NCBP3: variants seen among roughly 807,000 people sequenced by gnomAD.
NCBP3 encodes nuclear cap binding subunit 3, also known as nuclear cap-binding protein subunit 3.
In NCBP3, 20 loss-of-function variants were observed where a neutral mutation model predicts 75.7. The observed-to-expected ratio is 0.26, with a 90% CI of 0.19 to 0.38. The LOEUF (loss-of-function observed/expected upper bound fraction) is 0.38. NCBP3 is among the 10% of genes least tolerant of loss of function. The pLI is 1.00. For synonymous variants in NCBP3, 293 were observed against 290.5 expected (o/e 1.01, Z -0.09); for missense variants, 678 against 796.9 (o/e 0.85, Z 1.80).
In NCBP3 at chr17:3,812,780, C is replaced by T. The variant is rs1025821467; in HGVS notation, c.*264G>A. 1 of 1,292,298 alleles carries T rather than the reference C, an allele frequency of 7.7e-7. No individual in the cohort carries two copies. Among genetic ancestry groups the T allele is most frequent in the African/African-American group, 1.5e-5 (1 of 66,784 alleles). The allele number at this position is 1,292,298 out of a possible 1,614,324, so 80.1% of individuals were successfully genotyped here. A position where few individuals can be genotyped will look rare whatever the true frequency, so the allele number is the denominator to read the frequency against. Reference sequence around the variant, plus strand: ...AAAAATGTCTACAAAATCTGGAGGGCTGCCTTTTTCTCAAAGGGTAAAGCC... The same window carrying T: ...AAAAATGTCTACAAAATCTGGAGGGTTGCCTTTTTCTCAAAGGGTAAAGCC... On this transcript the variant is annotated 3_prime_UTR_variant, in exon 13 of 13. Transcript: ENST00000389005.
At chr17:3,815,485 T>C (rs2053513269) in intron 11 of NCBP3, among the ~76,000 whole-genome samples, 1 of 152,212 alleles carries the variant, frequency 6.6e-6, no homozygotes, top group South Asian at 2.1e-4. Context: ...AGAAATTATC[T>C]AGTTCAAACT....
In NCBP3 at chr17:3,813,008, C is replaced by T; in HGVS notation, c.*36G>A. On this transcript the variant is annotated 3_prime_UTR_variant, in exon 13 of 13. Transcript: ENST00000389005. ...CGCGCCCCACCCTGTGCAAGAATGT[C>T]AGGCTTTAGGGCAGCTGCCATAGGC... is the stretch of plus-strand genomic sequence containing the variant. 1 of 1,612,410 alleles carries T rather than the reference C, an allele frequency of 6.2e-7. No individual in the cohort carries two copies. Among genetic ancestry groups the T allele is most frequent in the South Asian group, 1.1e-5 (1 of 90,802 alleles).
At chr17:3,843,172 G>C (rs1190463932) in intron 1 of NCBP3, 21 bp from the exon 2 acceptor site, 1 of 1,546,738 alleles carries the variant, frequency 6.5e-7, no homozygotes, top group South Asian at 1.2e-5. Context: ...GGGGAAGGGT[G>C]AGAAATTCAG....
chr17:3,843,391 C>T (rs1040629685), intron 1 of NCBP3, among the ~76,000 whole-genome samples: 3 of 152,048 alleles, frequency 2.0e-5, no homozygotes, highest in Admixed American at 1.3e-4. Flanking sequence ...TGCCACCATG[C>T]CCAGCTAATT....
At chr17:3,830,934 G>A (rs547865485) in intron 3 of NCBP3, among the ~76,000 whole-genome samples, 34 of 140,346 alleles carry the variant, frequency 2.4e-4, no homozygotes, top group Non-Finnish European at 4.4e-4. Context: ...TTTTTGAGAT[G>A]GAGTTTCACT....
rs1292048264 is a variant in NCBP3, at chr17:3,808,104, G to A, written c.*4940C>T. 6.6e-6 allele frequency: 1 copy of A among 152,206 alleles called. No individual in the cohort carries two copies. The highest frequency in any genetic ancestry group is 2.4e-5 in the African/African-American group (1 of 41,446). 9.4% of individuals were successfully genotyped at this position (152,206 alleles called of 1,614,324 possible). On this transcript the variant is annotated 3_prime_UTR_variant, in exon 13 of 13. Transcript: ENST00000389005. ...CGGGCCCGGGCAAGCTCATGCCTCT[G>A]CTGCACCTGCGGCCTGCCTCAGTTC...
rs1193911267 is a variant in NCBP3, at chr17:3,805,908, A to C, written c.*7136T>G. 6.6e-6 allele frequency: 1 copy of C among 152,222 alleles called. No individual in the cohort carries two copies. The highest frequency in any genetic ancestry group is 1.5e-5 in the Non-Finnish European group (1 of 68,060). 9.4% of individuals were successfully genotyped at this position (152,222 alleles called of 1,614,324 possible). On this transcript the variant is annotated 3_prime_UTR_variant, in exon 13 of 13. Coordinates refer to ENST00000389005, the MANE Select transcript of NCBP3 (RefSeq NM_001114118.3). ...TTTCCAATTGAGTATGTGGGGCAGA[A>C]GGAGTCCCCAGAGCCCCGGCCCCAG...
In NCBP3 at chr17:3,822,023, T is replaced by C. The variant is rs2053675517; in HGVS notation, c.826A>G (p.Arg276Gly). 6.2e-7 allele frequency: 1 copy of C among 1,611,984 alleles called. No individual in the cohort carries two copies. Among genetic ancestry groups the C allele is most frequent in the Non-Finnish European group, 8.5e-7 (1 of 1,179,088 alleles). Residue 276 changes from arginine (R) to glycine (G), a missense_variant, in exon 8 of 13, where the codon AGA (arginine) becomes GGA (glycine). Physicochemically the swap from Arg to Gly is moderately radical, Grantham distance 125. Coordinates refer to ENST00000389005, the MANE Select transcript of NCBP3 (RefSeq NM_001114118.3). ...CCATATTTCATGTAATACTGACTTC[T>C]TCTGGCTGCTCCAAGTTCCTTTTTG... is the stretch of plus-strand genomic sequence containing the variant. ...DDKKELGAARRSQYYMKYGNP... is the reference protein window; with the variant it reads ...DDKKELGAARGSQYYMKYGNP...
At chr17:3,821,912 A>G (rs1177948510) in intron 8 of NCBP3, 41 bp downstream of exon 8, 2 of 1,342,320 alleles carry the variant, frequency 1.5e-6, no homozygotes, top group African/African-American at 2.9e-5. Flanking sequence ...AAGGATTAAG[A>G]AAAACTCAAA....
Position 3,812,420 on chromosome 17 carries a change from CG to C in NCBP3, c.*623del. The stretch of plus-strand genomic sequence containing the variant: ...TGATCTTCACATCAAGCTGACAGCA[CG>C]TAAGAGGCCCATGCCATGAGCAATC... On this transcript the variant is annotated 3_prime_UTR_variant, in exon 13 of 13. Transcript: ENST00000389005. 4.1e-6 allele frequency: 3 copies of C among 725,062 alleles called. No homozygotes were observed. Among genetic ancestry groups the C allele is most frequent in the Middle Eastern group, 1.4e-3 (2 of 1,404 alleles). 44.9% of individuals were successfully genotyped at this position (725,062 alleles called of 1,614,324 possible). A position where few individuals can be genotyped will look rare whatever the true frequency, so the allele number is the denominator to read the frequency against.
rs1337446206 is a variant in NCBP3 at position 3,802,423 on chromosome 17, T to C, written c.*10621A>G. 6.6e-6 allele frequency: 1 copy of C among 152,238 alleles called. No homozygotes were observed. Among genetic ancestry groups the C allele is most frequent in the Non-Finnish European group, 1.5e-5 (1 of 68,040 alleles). The allele number at this position is 152,238 out of a possible 1,614,324, so 9.4% of individuals were successfully genotyped here. On this transcript the variant is annotated 3_prime_UTR_variant, in exon 13 of 13. Transcript: ENST00000389005. Reference sequence around the variant, plus strand: ...CCTTGTCTGCTTTGCTCTGACAAAGTGCTTATGACTACTAGATCTTGCTCG... The same window carrying C: ...CCTTGTCTGCTTTGCTCTGACAAAGCGCTTATGACTACTAGATCTTGCTCG...
chr17:3,839,851 C>T (rs569756645), intron 3 of NCBP3, among the ~76,000 whole-genome samples: 1 of 152,316 alleles, frequency 6.6e-6, no homozygotes, highest in Non-Finnish European at 1.5e-5. Flanking sequence ...CTGCCACTAA[C>T]TGGTAACTTT....
intron 12 of NCBP3, 24 bp downstream of exon 12, chr17:3,814,298 C>T (rs1233516767): frequency 6.2e-7 from 1 of 1,611,996 alleles, no homozygotes; most frequent in Admixed American, 1.7e-5. Context: ...ATCCCCATTC[C>T]CATCCGTTTT....
At chr17:3,831,252 C>T (rs218715) in intron 3 of NCBP3, among the ~76,000 whole-genome samples, 20,399 of 151,374 alleles carry the variant, frequency 0.13, 2,650 homozygotes, top group African/African-American at 0.34. Flanking sequence ...CCTTTAATCT[C>T]AATTGCAAAA....
At chr17:3,843,190 T>C (rs770764001) in intron 1 of NCBP3, 39 bp from the exon 2 acceptor site, 32 of 1,517,432 alleles carry the variant, frequency 2.1e-5, no homozygotes, top group Non-Finnish European at 2.1e-5. Flanking sequence ...CAGACAGCAA[T>C]TGAGGAAAAA....
chr17:3,837,960 C>T (rs184995516), intron 3 of NCBP3, among the ~76,000 whole-genome samples: 9 of 151,770 alleles, frequency 5.9e-5, no homozygotes, highest in Non-Finnish European at 1.3e-4. Flanking sequence ...TCTTTAGAAC[C>T]GTGAGACTGG....
Position 3,846,212 on chromosome 17 carries a change from T to C in NCBP3, c.12A>G (p.Val4=), listed in dbSNP as rs2143732327. Residue 4 remains valine, a synonymous_variant, in exon 1 of 13, where the codon GTA becomes GTG. Coordinates refer to ENST00000389005, the MANE Select transcript of NCBP3 (RefSeq NM_001114118.3). This position sits in a 1 kb window ranked among gnomAD's most constrained non-coding sequence, Gnocchi z 4.6. The part of the protein sequence containing the change: MAA[V]RGLRVSVKAE... The stretch of plus-strand genomic sequence containing the variant: ...CCTTCACCGACACCCGCAGGCCCCG[T>C]ACGGCCGCCATCGCTGCCTGCCGGC... 1 of 1,447,258 alleles carries C rather than the reference T, an allele frequency of 6.9e-7. No individual in the cohort carries two copies. The highest frequency in any genetic ancestry group is 2.9e-5 in the East Asian group (1 of 34,332). 89.7% of individuals were successfully genotyped at this position (1,447,258 alleles called of 1,614,324 possible). A position where few individuals can be genotyped will look rare whatever the true frequency, so the allele number is the denominator to read the frequency against.
At position 3,824,905 on chromosome 17, in the gene NCBP3, A is replaced by T. The variant is rs760400673; in HGVS notation, c.796+37T>A. 5.1e-6 allele frequency: 6 copies of T among 1,185,848 alleles called. No individual in the cohort carries two copies. The South Asian group carries it at 8.7e-5, about 17-fold the overall frequency. The allele number at this position is 1,185,848 out of a possible 1,614,324, so 73.5% of individuals were successfully genotyped here. ...TGTCACTCCATAATAAATCATTTTG[A>T]TTGAAAATATAAAACAATACCAAAT... is the stretch of plus-strand genomic sequence containing the variant. On this transcript the variant is annotated intron_variant, in intron 7 of 12. Transcript: ENST00000389005.
chr17:3,813,403 A>AGGCT, intron 12 of NCBP3, 124 bp from the exon 13 acceptor site: 5 of 1,185,968 alleles, frequency 4.2e-6, no homozygotes, highest in Non-Finnish European at 5.9e-6. Flanking sequence ...GGAGCCTGCC[A>AGGCT]CCACAGTGCA....
Sources: gnomAD v4.1 joint callset for allele counts (sites outside exome capture counted in the v4.1 genomes callset) on GRCh38, gnomAD v4.1.1 for gene constraint, Gnocchi (gnomAD v3.1) non-coding constraint, MANE v1.5 for transcripts, NCBI Gene and HGNC (gene_info 2026-07-23, HGNC 2026-07-21) for gene names.